SPOCK3: variants seen among roughly 807,000 people sequenced by gnomAD.
SPOCK3 encodes SPARC (osteonectin), cwcv and kazal like domains proteoglycan 3, also known as testican-3.
In SPOCK3, 30 loss-of-function variants were observed where a neutral mutation model predicts 56.6. The ratio of observed to expected loss-of-function variants is 0.53; its 90% CI spans 0.40 to 0.72. SPOCK3 has a LOEUF of 0.72. Among genes scored for constraint, SPOCK3 ranks in the 30% least tolerant of loss-of-function variants. SPOCK3 has a pLI of 0.00. For synonymous variants in SPOCK3, 196 were observed against 183.3 expected (o/e 1.07, Z -0.56); for missense variants, 527 against 530.0 (o/e 0.99, Z 0.06).
At chr4:166,996,988 T>G (rs1748450796) in intron 4 of SPOCK3, among the ~76,000 whole-genome samples, 1 of 152,152 alleles carries the variant, frequency 6.6e-6, no homozygotes, top group Non-Finnish European at 1.5e-5. Flanking sequence ...ATATCCTTCT[T>G]GAACAAGATA....
At chr4:167,033,355 T>C (rs1218164163) in intron 3 of SPOCK3, among the ~76,000 whole-genome samples, 1 of 149,644 alleles carries the variant, frequency 6.7e-6, no homozygotes, top group Non-Finnish European at 1.5e-5. Context: ...TAAATAAAAA[T>C]TCAATAAGTT....
chr4:166,807,767 A>C (rs1429708422), intron 6 of SPOCK3, among the ~76,000 whole-genome samples: 2 of 152,118 alleles, frequency 1.3e-5, no homozygotes, highest in African/African-American at 4.8e-5. Context: ...AATTCTTACT[A>C]TTTGTATTCC....
intron 4 of SPOCK3, among the ~76,000 whole-genome samples, chr4:166,995,245 A>AAG (rs1748227856): frequency 6.6e-6 from 1 of 150,414 alleles, no homozygotes; most frequent in Non-Finnish European, 1.5e-5. Context: ...GCATGTATGT[A>AAG]TGTATGTGTG....
chr4:166,945,075 G>C (rs1208508292), intron 4 of SPOCK3, among the ~76,000 whole-genome samples: 1 of 151,976 alleles, frequency 6.6e-6, no homozygotes, highest in East Asian at 1.9e-4. Context: ...GCACTTCTTT[G>C]CTTTCTGGAA....
At chr4:167,218,281 T>A (rs1735564143) in intron 2 of SPOCK3, among the ~76,000 whole-genome samples, 1 of 152,172 alleles carries the variant, frequency 6.6e-6, no homozygotes, top group Non-Finnish European at 1.5e-5. Flanking sequence ...AACATTAACT[T>A]GGCCTCAGAT....
At chr4:167,078,953 T>C (rs1156871401) in intron 2 of SPOCK3, among the ~76,000 whole-genome samples, 1 of 151,872 alleles carries the variant, frequency 6.6e-6, no homozygotes, top group Non-Finnish European at 1.5e-5. Context: ...CAGTTCTATA[T>C]AATTTTTATA....
chr4:167,047,484 C>T (rs1279190803), intron 3 of SPOCK3, among the ~76,000 whole-genome samples: 1 of 151,990 alleles, frequency 6.6e-6, no homozygotes, highest in Non-Finnish European at 1.5e-5. Flanking sequence ...GTATGAATTT[C>T]CCAAAATAAG....
intron 2 of SPOCK3, among the ~76,000 whole-genome samples, chr4:167,108,100 T>C (rs1760326707): frequency 6.6e-6 from 1 of 151,836 alleles, no homozygotes; most frequent in Non-Finnish European, 1.5e-5. Context: ...AAAACTATAA[T>C]GAGATATCAT....
intron 8 of SPOCK3, among the ~76,000 whole-genome samples, chr4:166,742,882 A>G (rs535542062): frequency 6.6e-6 from 1 of 152,270 alleles, no homozygotes; most frequent in Admixed American, 6.5e-5. Context: ...TGCCCTTCAT[A>G]TCTGTGAGTT....
intron 4 of SPOCK3, among the ~76,000 whole-genome samples, chr4:166,980,459 G>A (rs2150090974): frequency 6.6e-6 from 1 of 152,290 alleles, no homozygotes; most frequent in South Asian, 2.1e-4. Context: ...GTGGCTGGTG[G>A]TATCAGCCTT....
rs70955697 is a variant in SPOCK3, at chr4:166,840,771, G to GTTTTTTTTTTTTT, written c.589+48346_589+48358dup. Among the ~76,000 whole-genome samples, 143 of 68,180 alleles carry GTTTTTTTTTTTTT rather than the reference G, an allele frequency of 2.1e-3. 16 individuals are homozygous for GTTTTTTTTTTTTT. Among genetic ancestry groups the GTTTTTTTTTTTTT allele is most frequent in the Non-Finnish European group, 3.5e-3 (130 of 37,030 alleles). The allele number at this position is 68,180 out of a possible 152,430, so 44.7% of individuals were successfully genotyped here. ...CTAATTCATCTTCCCAGAAGCAAAA[G>GTTTTTTTTTTTTT]TTTTTTTTTTTTTTTTTTTTTTTTT... is the stretch of plus-strand genomic sequence containing the variant. On this transcript the variant is annotated intron_variant, in intron 6 of 10. Transcript: ENST00000357545.
At chr4:166,744,857 C>A (rs896873695) in intron 8 of SPOCK3, among the ~76,000 whole-genome samples, 6 of 151,450 alleles carry the variant, frequency 4.0e-5, no homozygotes, top group African/African-American at 1.5e-4. Flanking sequence ...CTTTAGTAGC[C>A]GATTCGATCA....
intron 3 of SPOCK3, among the ~76,000 whole-genome samples, chr4:167,031,931 TA>T (rs1162495303): frequency 6.6e-6 from 1 of 152,056 alleles, no homozygotes; most frequent in Non-Finnish European, 1.5e-5. Flanking sequence ...TTAATTCCTT[TA>T]TTTGAAGTAT....
chr4:167,194,511 A>T (rs1275487570), intron 2 of SPOCK3, among the ~76,000 whole-genome samples: 1 of 152,166 alleles, frequency 6.6e-6, no homozygotes, highest in East Asian at 1.9e-4. Flanking sequence ...CTTGTGATCC[A>T]CGTAGCCTTT....
intron 4 of SPOCK3, among the ~76,000 whole-genome samples, chr4:166,964,294 T>C (rs888450284): frequency 1.3e-5 from 2 of 151,758 alleles, no homozygotes; most frequent in African/African-American, 4.8e-5. Context: ...AGAAAAAAAC[T>C]AAGTAAAAAT....
chr4:167,178,021 T>C (rs1443276806), intron 2 of SPOCK3, among the ~76,000 whole-genome samples: 1 of 152,156 alleles, frequency 6.6e-6, no homozygotes, highest in Non-Finnish European at 1.5e-5. Flanking sequence ...CAAAGGTCAC[T>C]CAGCTATGTG....
chr4:167,049,866 A>T (rs905011173), intron 3 of SPOCK3, among the ~76,000 whole-genome samples: 13 of 152,120 alleles, frequency 8.5e-5, no homozygotes, highest in African/African-American at 2.9e-4. Flanking sequence ...CATTCCCACC[A>T]TGTCTTCTCA....
chr4:166,787,269 A>G (rs760697760), intron 7 of SPOCK3, among the ~76,000 whole-genome samples: 7 of 152,226 alleles, frequency 4.6e-5, no homozygotes, highest in Non-Finnish European at 7.3e-5. Flanking sequence ...GTAATATTGT[A>G]CACATTAAAC....
At chr4:167,098,813 G>A (rs1759385883) in intron 2 of SPOCK3, among the ~76,000 whole-genome samples, 1 of 151,820 alleles carries the variant, frequency 6.6e-6, no homozygotes, top group African/African-American at 2.4e-5. Context: ...TCTAACCTTT[G>A]ATAAGCATCT....
Sources: allele counts gnomAD v4.1 joint callset (sites outside exome capture counted in the v4.1 genomes callset), GRCh38; gene constraint gnomAD v4.1.1; transcripts MANE v1.5; gene names NCBI Gene and HGNC (gene_info 2026-07-23, HGNC 2026-07-21).